Variants in VWA3A observed in about 807,000 individuals in gnomAD.
VWA3A encodes von Willebrand factor A domain-containing protein 3A.
A neutral mutation model predicts 160.4 loss-of-function variants in VWA3A; 134 were observed. That is an observed-to-expected ratio of 0.84 (90% CI 0.73 to 0.96). VWA3A has a LOEUF of 0.96. VWA3A is among the 40% of genes least tolerant of loss of function. VWA3A has a pLI of 0.00. For synonymous variants in VWA3A, 476 were observed against 543.4 expected (o/e 0.88, Z 1.72); for missense variants, 1,310 against 1,447.9 (o/e 0.90, Z 1.55).
At chr16:22,121,366 C>G in intron 13 of VWA3A, 148 bp from the exon 14 acceptor site, 1 of 778,340 alleles carries the variant, frequency 1.3e-6, no homozygotes. Context: ...ATACCTTGAG[C>G]CCAGGAGTTT....
intron 17 of VWA3A, among the ~76,000 whole-genome samples, chr16:22,130,571 G>T (rs147208538): frequency 1.7e-4 from 26 of 152,196 alleles, no homozygotes; most frequent in African/African-American, 6.0e-4. Flanking sequence ...TGTCTTACAG[G>T]ACAAATGAGA....
At chr16:22,115,600 G>A in intron 9 of VWA3A, 128 bp downstream of exon 9, 2 of 1,083,804 alleles carry the variant, frequency 1.8e-6, no homozygotes, top group Non-Finnish European at 2.5e-6. Context: ...GGGAGGCCGA[G>A]ACAGGAGGAT....
chr16:22,121,427 G>C lies in VWA3A; in HGVS notation c.1253-87G>C, dbSNP rs1230483851. ...CCACTGCACTCTAGCCTGGGTGACA[G>C]AGCAAAACCCTGTCTCAAAAAAATA... On this transcript the variant is annotated intron_variant, in intron 13 of 33. Transcript: ENST00000389398. The C allele has an allele frequency of 4.4e-6, 5 of 1,129,358 alleles. No homozygotes were observed. In the African/African-American group the frequency reaches 6.1e-5, roughly 14 times the overall value. 70.0% of individuals were successfully genotyped at this position (1,129,358 alleles called of 1,614,324 possible). A position where few individuals can be genotyped will look rare whatever the true frequency, so the allele number is the denominator to read the frequency against.
In VWA3A at chr16:22,116,817, G is replaced by C; in HGVS notation, c.874G>C (p.Asp292His). Residue 292 changes from aspartate (D) to histidine (H), a missense_variant, in exon 10 of 34, where the codon GAC becomes CAC. By Grantham distance (81) the Asp-to-His change is moderately conservative. Transcript: ENST00000389398. ...DYIQQSTMGR[D>H]LIIHFITYRC... The stretch of plus-strand genomic sequence containing the variant: ...CATCCAGCAGTCCACCATGGGAAGA[G>C]ACCTCATCATCCACTTCATCACCTA... 2 of 1,613,520 alleles carry C rather than the reference G, an allele frequency of 1.2e-6. No individual in the cohort carries two copies. The highest frequency in any genetic ancestry group is 4.5e-5 in the East Asian group (2 of 44,886).
intron 25 of VWA3A, 84 bp downstream of exon 25, chr16:22,142,849 C>A (rs1014147496): frequency 3.7e-6 from 4 of 1,066,704 alleles, no homozygotes; most frequent in East Asian, 2.7e-5. Flanking sequence ...GATGGGGGGG[C>A]ATAATCAGAA....
chr16:22,103,626 T>C, intron 6 of VWA3A, 97 bp downstream of exon 6: 3 of 1,413,384 alleles, frequency 2.1e-6, no homozygotes, highest in South Asian at 1.3e-5. Context: ...CCAATATAAA[T>C]TGCTTAAGCT....
chr16:22,097,438 A>T (rs2045344246), intron 2 of VWA3A, 134 bp from the exon 3 acceptor site: 1 of 1,165,592 alleles, frequency 8.6e-7, no homozygotes, highest in African/African-American at 1.6e-5. Context: ...ACTCTGCAGG[A>T]ATCCTTCTCA....
At chr16:22,123,352 T>TAA in intron 15 of VWA3A, 187 bp downstream of exon 15, 1 of 1,281,268 alleles carries the variant, frequency 7.8e-7, no homozygotes, top group Non-Finnish European at 1.1e-6. Flanking sequence ...CTCAATGCCT[T>TAA]TAAAAAAAAA....
At position 22,148,317 on chromosome 16, in the gene VWA3A, A is replaced by G. The variant is rs767292352; in HGVS notation, c.2984+11A>G. ...GAAGTGCTGTGACAGGTAGGAGGCG[A>G]GGGCTGATCAGGAAGATCAAAGGGG... On this transcript the variant is annotated intron_variant, in intron 28 of 33. Coordinates refer to ENST00000389398, the MANE Select transcript of VWA3A (RefSeq NM_173615.5). 3 of 1,584,872 alleles carry G rather than the reference A, an allele frequency of 1.9e-6. No individual in the cohort carries two copies. Among genetic ancestry groups the G allele is most frequent in the Non-Finnish European group, 2.6e-6 (3 of 1,165,660 alleles).
At chr16:22,135,360 T>C (rs986185589) in intron 21 of VWA3A, among the ~76,000 whole-genome samples, 7 of 152,162 alleles carry the variant, frequency 4.6e-5, no homozygotes, top group Admixed American at 2.6e-4. Flanking sequence ...GCATCCCTTC[T>C]CCTCTTACAT....
At chr16:22,129,592 A>C (rs1273851702) in intron 17 of VWA3A, among the ~76,000 whole-genome samples, 1 of 152,094 alleles carries the variant, frequency 6.6e-6, no homozygotes, top group Non-Finnish European at 1.5e-5. Flanking sequence ...GAGTTTGGAG[A>C]CATTAAGAGG....
intron 26 of VWA3A, among the ~76,000 whole-genome samples, chr16:22,145,119 A>G (rs1200140308): frequency 1.3e-5 from 2 of 152,116 alleles, no homozygotes; most frequent in East Asian, 3.8e-4. Flanking sequence ...TGACACTGGA[A>G]CAAGTAAATT....
At chr16:22,100,160 A>G (rs752142691) in intron 3 of VWA3A, 34 bp from the exon 4 acceptor site, 3 of 1,514,706 alleles carry the variant, frequency 2.0e-6, no homozygotes, top group Non-Finnish European at 2.7e-6. Flanking sequence ...CTCTCTTTCC[A>G]CTTCACGGTT....
In VWA3A at chr16:22,146,222, T is replaced by C. The variant is rs1317490026; in HGVS notation, c.2731-14T>C. The C allele has an allele frequency of 2.5e-6, 4 of 1,609,622 alleles. No individual in the cohort carries two copies. The highest frequency in any genetic ancestry group is 3.4e-6 in the Non-Finnish European group (4 of 1,176,890). On this transcript the variant is annotated splice_polypyrimidine_tract_variant and intron_variant, in intron 26 of 33. Coordinates refer to ENST00000389398, the MANE Select transcript of VWA3A (RefSeq NM_173615.5). Reference sequence around the variant, plus strand: ...TGATGGGGTGGGTGCTTGCCTCTGCTTGCCTTAACCCAGGGAGTGGTGAGA... The same window carrying C: ...TGATGGGGTGGGTGCTTGCCTCTGCCTGCCTTAACCCAGGGAGTGGTGAGA...
chr16:22,103,392 T>C (rs989003222), intron 5 of VWA3A, 83 bp from the exon 6 acceptor site: 41 of 1,264,652 alleles, frequency 3.2e-5, no homozygotes, highest in Non-Finnish European at 4.3e-5. Context: ...CAATTATTCA[T>C]ACCTGCCTTT....
chr16:22,116,699 T>C, intron 9 of VWA3A, 60 bp from the exon 10 acceptor site: 2 of 1,352,712 alleles, frequency 1.5e-6, no homozygotes, highest in Non-Finnish European at 1.0e-6. Context: ...CGTTTTGCTC[T>C]GGAATGTTCT....
In VWA3A at chr16:22,110,807, G is replaced by A. The variant is rs2141871005; in HGVS notation, c.583-81G>A. 3 of 1,337,258 alleles carry A rather than the reference G, an allele frequency of 2.2e-6. 1 individual carries two copies. The highest frequency in any genetic ancestry group is 2.7e-5 in the South Asian group (2 of 72,778). 82.8% of individuals were successfully genotyped at this position (1,337,258 alleles called of 1,614,324 possible). A position where few individuals can be genotyped will look rare whatever the true frequency, so the allele number is the denominator to read the frequency against. On this transcript the variant is annotated intron_variant, in intron 7 of 33. Coordinates refer to ENST00000389398, the MANE Select transcript of VWA3A (RefSeq NM_173615.5). The stretch of plus-strand genomic sequence containing the variant: ...GTACAGCTCACACCCAGCCCAGAGG[G>A]GCCAGCAAAGGCCAGAGAGGCAAAG...
intron 16 of VWA3A, 33 bp from the exon 17 acceptor site, chr16:22,126,145 G>C: frequency 6.2e-7 from 1 of 1,610,964 alleles, no homozygotes; most frequent in Non-Finnish European, 8.5e-7. Context: ...TCAGAGATTC[G>C]GTTCTCCTCT....
intron 1 of VWA3A, among the ~76,000 whole-genome samples, chr16:22,092,856 T>C (rs1408675275): frequency 6.6e-6 from 1 of 151,884 alleles, no homozygotes; most frequent in Non-Finnish European, 1.5e-5. Flanking sequence ...CCATGACAAC[T>C]CCATATGACC....
Sources: allele counts gnomAD v4.1 joint callset (sites outside exome capture counted in the v4.1 genomes callset), GRCh38; gene constraint gnomAD v4.1.1; transcripts MANE v1.5; gene names NCBI Gene and HGNC (gene_info 2026-07-23, HGNC 2026-07-21).